CSMD1: variants seen among roughly 807,000 people sequenced by gnomAD.
CSMD1 encodes CUB and Sushi multiple domains 1.
CSMD1 carries 213 observed loss-of-function variants against 417.5 expected under a neutral mutation model. The observed-to-expected ratio is 0.51, with a 90% CI of 0.46 to 0.57. The LOEUF is 0.57. Among genes scored for constraint, CSMD1 ranks in the 20% least tolerant of loss-of-function variants. CSMD1 has a pLI of 0.00. For synonymous variants in CSMD1, 2,862 were observed against 1,736.8 expected, an observed-to-expected ratio of 1.65 and a Z score of -16.11; for missense variants, 6,923 against 4,529.7, an observed-to-expected ratio of 1.53 and a Z score of -15.17.
At chr8:4,920,927 AAAGAGAG>A (rs1468222937) in intron 1 of CSMD1, among the ~76,000 whole-genome samples, 1 of 42,728 alleles carries the variant, frequency 2.3e-5, no homozygotes, top group Non-Finnish European at 6.2e-5. Context: ...AAAAGAAAAG[AAAGAGAG>A]AAAGAAAGAA....
chr8:4,373,651 A>C (rs1310369165), intron 3 of CSMD1, among the ~76,000 whole-genome samples: 1 of 152,142 alleles, frequency 6.6e-6, no homozygotes, highest in Non-Finnish European at 1.5e-5. Flanking sequence ...ATATTATGGA[A>C]GTTATGATAG....
chr8:3,249,212 T>C (rs974049579), intron 26 of CSMD1, among the ~76,000 whole-genome samples: 2 of 152,132 alleles, frequency 1.3e-5, no homozygotes, highest in African/African-American at 4.8e-5. Context: ...TGTGAGTTCT[T>C]TTTGTTGCTG....
At chr8:4,198,207 C>A (rs1799448831) in intron 3 of CSMD1, among the ~76,000 whole-genome samples, 2 of 152,296 alleles carry the variant, frequency 1.3e-5, no homozygotes, top group Admixed American at 6.5e-5. Context: ...TCCAAGGTAG[C>A]AAATACAAAG....
intron 10 of CSMD1, among the ~76,000 whole-genome samples, chr8:3,548,458 C>A: frequency 6.6e-6 from 1 of 152,078 alleles, no homozygotes; most frequent in South Asian, 2.1e-4. Context: ...CCCACCCTTT[C>A]TGCCTGAGTC....
intron 6 of CSMD1, among the ~76,000 whole-genome samples, chr8:3,717,196 T>C (rs762328399): frequency 4.6e-5 from 7 of 152,216 alleles, no homozygotes; most frequent in Non-Finnish European, 7.3e-5. Flanking sequence ...CATTGATAAT[T>C]ATTACATTTC....
intron 2 of CSMD1, among the ~76,000 whole-genome samples, chr8:4,459,707 G>C (rs1302554754): frequency 1.3e-5 from 2 of 152,188 alleles, no homozygotes; most frequent in South Asian, 2.1e-4. Flanking sequence ...CCCAGAGCAA[G>C]TTCAGAAATA....
At chr8:4,076,634 A>G (rs1027201999) in intron 3 of CSMD1, among the ~76,000 whole-genome samples, 9 of 152,326 alleles carry the variant, frequency 5.9e-5, no homozygotes, top group East Asian at 3.9e-4. Context: ...TACCTTTATT[A>G]TAAGGATTAT....
At chr8:3,311,462 C>G (rs1246302749) in intron 23 of CSMD1, among the ~76,000 whole-genome samples, 1 of 152,112 alleles carries the variant, frequency 6.6e-6, no homozygotes, top group African/African-American at 2.4e-5. Context: ...GTTGTCTAGG[C>G]TTGTCTCAAA....
chr8:3,569,687 A>T (rs1276988108), intron 10 of CSMD1, among the ~76,000 whole-genome samples: 1 of 152,178 alleles, frequency 6.6e-6, no homozygotes. Flanking sequence ...ATCAACGTGC[A>T]CTTAATTGAG....
In CSMD1 at chr8:3,376,393, G is replaced by A. The variant is rs142537535; in HGVS notation, c.2783-7023C>T. 2.3e-3 allele frequency among the ~76,000 whole-genome samples: 357 copies of A among 152,010 alleles called. 1 individual carries two copies. The highest frequency in any genetic ancestry group is 8.0e-3 in the African/African-American group (334 of 41,514). On this transcript the variant is annotated intron_variant, in intron 18 of 69. Coordinates refer to ENST00000635120, the MANE Select transcript of CSMD1 (RefSeq NM_033225.6). ...ATTGATTATATCTCATGGTGACACA[G>A]ACTTGTTTTTAAAGCTTTCTATTAA...
At chr8:4,942,294 G>C (rs767028808) in intron 1 of CSMD1, among the ~76,000 whole-genome samples, 5 of 151,670 alleles carry the variant, frequency 3.3e-5, no homozygotes, top group Non-Finnish European at 5.9e-5. Flanking sequence ...TGATTCAAAA[G>C]AATTCCTCTG....
chr8:4,296,000 A>T (rs991614143), intron 3 of CSMD1, among the ~76,000 whole-genome samples: 7 of 151,878 alleles, frequency 4.6e-5, no homozygotes, highest in Non-Finnish European at 1.0e-4. Context: ...AAACCTAAAG[A>T]CTTTATCTCC....
chr8:3,326,137 T>C (rs543267845), intron 23 of CSMD1, among the ~76,000 whole-genome samples: 1 of 152,256 alleles, frequency 6.6e-6, no homozygotes, highest in African/African-American at 2.4e-5. Context: ...CACAGAATGG[T>C]TTCAGTGGGA....
chr8:4,898,372 C>T lies in CSMD1; in HGVS notation c.85+95960G>A, dbSNP rs10109122. Among the ~76,000 whole-genome samples, 574 of 150,762 alleles carry T rather than the reference C, an allele frequency of 3.8e-3. 10 individuals carry two copies. The highest frequency in any genetic ancestry group is 0.014 in the African/African-American group (550 of 40,344). ...TGTTGCAATTTCTGTGTCACACCTGCCATTTTTTTGCAGTCAAGTACTAGC... is the reference window on the plus strand; with the variant it reads ...TGTTGCAATTTCTGTGTCACACCTGTCATTTTTTTGCAGTCAAGTACTAGC... On this transcript the variant is annotated intron_variant, in intron 1 of 69. Transcript: ENST00000635120.
intron 7 of CSMD1, among the ~76,000 whole-genome samples, chr8:3,628,148 G>A (rs766521646): frequency 3.3e-5 from 5 of 152,276 alleles, no homozygotes; most frequent in East Asian, 1.9e-4. Flanking sequence ...CTTTGTTGAC[G>A]TGTAAACCCC....
rs548296998 is a variant in CSMD1, at chr8:4,332,241, T to A, written c.415+87712A>T. 3.9e-5 allele frequency among the ~76,000 whole-genome samples: 6 copies of A among 152,194 alleles called. No homozygotes were observed. In the East Asian group the frequency reaches 1.2e-3, roughly 30 times the overall value. ...TCCCTCACGAAGCTAACGCTAGCCA[T>A]TGCCACCACATCTTAATGCCAAGGA... On this transcript the variant is annotated intron_variant, in intron 3 of 69. Coordinates refer to ENST00000635120, the MANE Select transcript of CSMD1 (RefSeq NM_033225.6).
At chr8:4,292,759 T>A (rs2128868201) in intron 3 of CSMD1, among the ~76,000 whole-genome samples, 1 of 152,318 alleles carries the variant, frequency 6.6e-6, no homozygotes, top group South Asian at 2.1e-4. Flanking sequence ...TTGTTCAAAC[T>A]GAATATTAAA....
At chr8:4,196,900 C>T (rs1039805976) in intron 3 of CSMD1, among the ~76,000 whole-genome samples, 1 of 152,194 alleles carries the variant, frequency 6.6e-6, no homozygotes, top group Non-Finnish European at 1.5e-5. Context: ...TCATTAAATT[C>T]CCACATTTCT....
At chr8:3,572,557 A>G (rs2116928558) in intron 10 of CSMD1, among the ~76,000 whole-genome samples, 1 of 152,330 alleles carries the variant, frequency 6.6e-6, no homozygotes, top group East Asian at 1.9e-4. Flanking sequence ...GAACATACAC[A>G]GGTTAACTAA....
Sources: gnomAD v4.1 joint callset for allele counts (sites outside exome capture counted in the v4.1 genomes callset) on GRCh38, gnomAD v4.1.1 for gene constraint, MANE v1.5 for transcripts, NCBI Gene and HGNC (gene_info 2026-07-23, HGNC 2026-07-21) for gene names.